The following CACNA2D3 variants were observed in gnomAD, a reference collection of about 807,000 sequenced individuals.
CACNA2D3 encodes the protein calcium voltage-gated channel auxiliary subunit alpha2delta 3.
A neutral mutation model predicts 160.6 loss-of-function variants in CACNA2D3; 60 were observed. That is an observed-to-expected ratio of 0.37 (90% CI 0.30 to 0.46). CACNA2D3 has a LOEUF of 0.46. Ranked by LOEUF, CACNA2D3 falls within the 20% of genes least tolerant of loss-of-function variation. CACNA2D3 has a pLI of 1.00. For synonymous variants in CACNA2D3, 558 were observed against 492.9 expected (o/e 1.13, Z -1.75); for missense variants, 1,205 against 1,365.0 (o/e 0.88, Z 1.85).
intron 29 of CACNA2D3, among the ~76,000 whole-genome samples, chr3:54,981,990 AC>A (rs1270552977): frequency 1.3e-5 from 2 of 152,016 alleles, no homozygotes; most frequent in Non-Finnish European, 2.9e-5. Context: ...AAAAAGACTC[AC>A]CTATTGCAGT....
intron 11 of CACNA2D3, among the ~76,000 whole-genome samples, chr3:54,675,322 T>C (rs965586499): frequency 1.3e-5 from 2 of 152,064 alleles, no homozygotes; most frequent in Non-Finnish European, 2.9e-5. Context: ...TGGATTTTGC[T>C]GATGCTGAAC....
At chr3:54,355,364 C>T (rs1440034849) in intron 3 of CACNA2D3, among the ~76,000 whole-genome samples, 1 of 152,162 alleles carries the variant, frequency 6.6e-6, no homozygotes, top group African/African-American at 2.4e-5. Context: ...TGTATAGAGA[C>T]TAGTCTGCAG....
At chr3:54,596,259 G>A (rs1702952543) in intron 9 of CACNA2D3, among the ~76,000 whole-genome samples, 2 of 151,896 alleles carry the variant, frequency 1.3e-5, no homozygotes, top group Admixed American at 1.3e-4. Flanking sequence ...TGTCATCATT[G>A]TCTTCTCCCA....
chr3:54,558,057 A>G (rs1702266712), intron 5 of CACNA2D3, among the ~76,000 whole-genome samples: 1 of 152,202 alleles, frequency 6.6e-6, no homozygotes, highest in Non-Finnish European at 1.5e-5. Context: ...GGAAAGGTGT[A>G]GACAGCTGTG....
intron 13 of CACNA2D3, among the ~76,000 whole-genome samples, chr3:54,781,977 G>C (rs1401251769): frequency 6.6e-6 from 1 of 152,192 alleles, no homozygotes. Flanking sequence ...AGCTCCCAAA[G>C]TACTTATTTG....
At chr3:54,560,540 C>G (rs1702308360) in intron 5 of CACNA2D3, among the ~76,000 whole-genome samples, 1 of 152,162 alleles carries the variant, frequency 6.6e-6, no homozygotes, top group African/African-American at 2.4e-5. Context: ...TGTCTGTTGA[C>G]TCTGTTGGTG....
intron 11 of CACNA2D3, among the ~76,000 whole-genome samples, chr3:54,736,045 A>C (rs1444857321): frequency 0.17 from 7,448 of 43,608 alleles, 522 homozygotes; most frequent in Non-Finnish European, 0.24. Flanking sequence ...GTATATATAT[A>C]CACATACATA....
intron 4 of CACNA2D3, among the ~76,000 whole-genome samples, chr3:54,451,214 T>C (rs1260141249): frequency 1.4e-5 from 2 of 148,034 alleles, no homozygotes; most frequent in East Asian, 4.0e-4. Flanking sequence ...TGTCCCTTTC[T>C]GCTGATATAA....
intron 35 of CACNA2D3, among the ~76,000 whole-genome samples, chr3:55,045,916 T>A (rs936300416): frequency 6.6e-6 from 1 of 152,080 alleles, no homozygotes; most frequent in Non-Finnish European, 1.5e-5. Context: ...ATTGTTTTCT[T>A]TGTCCTCCTT....
chr3:54,806,165 C>G (rs1406661816), intron 13 of CACNA2D3, among the ~76,000 whole-genome samples: 2 of 152,210 alleles, frequency 1.3e-5, no homozygotes, highest in African/African-American at 4.8e-5. Flanking sequence ...CCCTCTCTCA[C>G]CACTCCTATT....
At chr3:54,887,928 G>A (rs756616999) in intron 23 of CACNA2D3, 31 bp from the exon 24 acceptor site, 11 of 1,577,750 alleles carry the variant, frequency 7.0e-6, no homozygotes, top group Admixed American at 3.3e-5. Flanking sequence ...CAGCCCTGCT[G>A]AAGCATCCTC....
intron 5 of CACNA2D3, among the ~76,000 whole-genome samples, chr3:54,562,039 C>G (rs911542148): frequency 1.3e-5 from 2 of 152,170 alleles, no homozygotes; most frequent in African/African-American, 4.8e-5. Flanking sequence ...CCTGCCCCAC[C>G]CCCATGATTC....
At chr3:54,220,348 G>A (rs1235963068) in intron 2 of CACNA2D3, among the ~76,000 whole-genome samples, 3 of 152,074 alleles carry the variant, frequency 2.0e-5, no homozygotes, top group Admixed American at 6.5e-5. Flanking sequence ...TATATAGAAA[G>A]TTTGTTAAAA....
chr3:54,858,962 A>G (rs773978675), intron 17 of CACNA2D3, among the ~76,000 whole-genome samples: 52 of 152,240 alleles, frequency 3.4e-4, no homozygotes, highest in Non-Finnish European at 6.5e-4. Flanking sequence ...CAAATTATAT[A>G]TATTTAAAAG....
At chr3:54,350,980 TTG>T (rs371469292) in intron 3 of CACNA2D3, among the ~76,000 whole-genome samples, 1 of 39,602 alleles carries the variant, frequency 2.5e-5, no homozygotes, top group African/African-American at 1.1e-4. Flanking sequence ...TTTTTTTTTT[TTG>T]TTTGTTTTTT....
intron 9 of CACNA2D3, among the ~76,000 whole-genome samples, chr3:54,624,775 C>G (rs1278426192): frequency 6.6e-6 from 1 of 152,228 alleles, no homozygotes; most frequent in Admixed American, 6.5e-5. Flanking sequence ...AATGACCAGC[C>G]TCTCAGTGAG....
In CACNA2D3 at chr3:54,918,321, C is replaced by CTTTT. The variant is rs60257399; in HGVS notation, c.2449+18460_2449+18463dup. The stretch of plus-strand genomic sequence containing the variant: ...CCAGAAATATTTTTTACAGACACAT[C>CTTTT]TTTTTTTTTTCTTTTTTTTTTTTTT... On this transcript the variant is annotated intron_variant, in intron 27 of 37. Coordinates refer to ENST00000474759, the MANE Select transcript of CACNA2D3 (RefSeq NM_018398.3). The CTTTT allele has an allele frequency of 2.6e-4, 101 of 394,420 alleles. 1 individual carries two copies. Among genetic ancestry groups the CTTTT allele is most frequent in the African/African-American group, 2.0e-3 (68 of 34,138 alleles). 24.4% of individuals were successfully genotyped at this position (394,420 alleles called of 1,614,324 possible).
intron 31 of CACNA2D3, among the ~76,000 whole-genome samples, chr3:54,994,324 G>A (rs1218331173): frequency 1.3e-5 from 2 of 152,168 alleles, no homozygotes; most frequent in Non-Finnish European, 2.9e-5. Flanking sequence ...CGCCTTTAAT[G>A]CCGACTGCCC....
chr3:54,805,717 C>G (rs1002901105), intron 13 of CACNA2D3, among the ~76,000 whole-genome samples: 2 of 152,170 alleles, frequency 1.3e-5, no homozygotes, highest in African/African-American at 4.8e-5. Context: ...CCAGCATCAT[C>G]CTGACACCAA....
Sources: gnomAD v4.1 joint callset for allele counts (sites outside exome capture counted in the v4.1 genomes callset) on GRCh38, gnomAD v4.1.1 for gene constraint, MANE v1.5 for transcripts, NCBI Gene and HGNC (gene_info 2026-07-23, HGNC 2026-07-21) for gene names.